Variants in DYNC2H1 observed in about 807,000 individuals in gnomAD.
The protein encoded by DYNC2H1 is cytoplasmic dynein 2 heavy chain 1.
DYNC2H1 carries 410 observed loss-of-function variants against 570.0 expected under a neutral mutation model. That is an observed-to-expected ratio of 0.72 (90% CI 0.66 to 0.78). The LOEUF (loss-of-function observed/expected upper bound fraction) is 0.78. Among genes scored for constraint, DYNC2H1 ranks in the 30% least tolerant of loss-of-function variants. The pLI is 0.00. For missense variants in DYNC2H1, 4,865 were observed against 5,046.4 expected, an observed-to-expected ratio of 0.96 and a Z score of 1.09; for synonymous variants, 1,688 against 1,677.6, an observed-to-expected ratio of 1.01 and a Z score of -0.15.
rs571326205 is a variant in DYNC2H1, at chr11:103,189,519, G to A, written c.7293-153G>A. ...GGTTGAAATGAGAATGGATCGGGGC[G>A]ATGAGCCTAGTCTTAGCCCCCTGGG... On this transcript the variant is annotated intron_variant, in intron 44 of 88. Transcript: ENST00000375735. The surrounding 1 kb of genome is among the most constrained non-coding windows in gnomAD (Gnocchi z 4.3). Among the ~76,000 whole-genome samples the A allele has an allele frequency of 2.0e-5, 3 of 152,250 alleles. No homozygotes were observed. Among genetic ancestry groups the A allele is most frequent in the South Asian group, 2.1e-4 (1 of 4,824 alleles).
rs1945178270 is a variant in DYNC2H1, at chr11:103,465,776, A to C, written c.12649-2813A>C. Among the ~76,000 whole-genome samples, 1 of 152,194 alleles carries C rather than the reference A, an allele frequency of 6.6e-6. No individual in the cohort carries two copies. Among genetic ancestry groups the C allele is most frequent in the African/African-American group, 2.4e-5 (1 of 41,458 alleles). ...CCCTCTCATACTGTAGTAGACTAGG[A>C]GAGCTTCCTTATATGGTGGTTTCAG... On this transcript the variant is annotated intron_variant, in intron 87 of 88. Coordinates refer to ENST00000375735, the MANE Select transcript of DYNC2H1 (RefSeq NM_001377.3). This position sits in a 1 kb window ranked among gnomAD's most constrained non-coding sequence, Gnocchi z 4.9.
chr11:103,242,571 A>G lies in DYNC2H1; in HGVS notation c.9820-1122A>G, dbSNP rs187420633. 2.4e-3 allele frequency among the ~76,000 whole-genome samples: 373 copies of G among 152,356 alleles called. 1 individual carries two copies. Among genetic ancestry groups the G allele is most frequent in the African/African-American group, 8.1e-3 (338 of 41,590 alleles). On this transcript the variant is annotated intron_variant, in intron 63 of 88. Transcript: ENST00000375735. The stretch of plus-strand genomic sequence containing the variant: ...TTTTTCAAATAAATGTGAAAACTTA[A>G]GAAAAATTAGATCAGTTTAAATTTT...
Position 103,186,389 on chromosome 11 carries a change from C to G in DYNC2H1, c.6781C>G (p.Pro2261Ala). ...TGATTTCAGTAACGGCTTAACTCTTCCAGTCATTCAGACTCCTGACATGCA... is the reference window on the plus strand; with the variant it reads ...TGATTTCAGTAACGGCTTAACTCTTGCAGTCATTCAGACTCCTGACATGCA... ...ADDFSNGLTL[P>A]VIQTPDMQRG... The change falls in exon 42 of 89, where the codon CCA becomes GCA. Residue 2261 changes from proline to alanine, a missense_variant. This residue lies in a region of DYNC2H1 where 2,401 missense variants were observed against 2,454.6 expected (regional missense o/e 0.98). Transcript: ENST00000375735. The surrounding 1 kb of genome is among the most constrained non-coding windows in gnomAD (Gnocchi z 4.5). The G allele has an allele frequency of 6.2e-7, 1 of 1,612,888 alleles. No individual in the cohort carries two copies. Among genetic ancestry groups the G allele is most frequent in the Non-Finnish European group, 8.5e-7 (1 of 1,179,228 alleles).
At chr11:103,165,329 A>G (rs1295565039) in intron 30 of DYNC2H1, among the ~76,000 whole-genome samples, 1 of 152,124 alleles carries the variant, frequency 6.6e-6, no homozygotes, top group Non-Finnish European at 1.5e-5. Flanking sequence ...GGGTTTCTCC[A>G]TGTTAACCAG....
At chr11:103,278,874 G>A (rs941408735) in intron 70 of DYNC2H1, among the ~76,000 whole-genome samples, 27 of 152,078 alleles carry the variant, frequency 1.8e-4, no homozygotes, top group African/African-American at 6.5e-4. Flanking sequence ...GCCCTGTGTG[G>A]GTTCTTAATG....
intron 83 of DYNC2H1, among the ~76,000 whole-genome samples, chr11:103,361,399 C>T (rs1230009675): frequency 1.3e-5 from 2 of 152,198 alleles, no homozygotes; most frequent in African/African-American, 4.8e-5. Flanking sequence ...TTAGACTTCT[C>T]ATACTCCAGA....
chr11:103,304,993 A>T (rs1867218450), intron 77 of DYNC2H1, among the ~76,000 whole-genome samples: 1 of 152,162 alleles, frequency 6.6e-6, no homozygotes, highest in Admixed American at 6.6e-5. Context: ...TATTTATACC[A>T]TGAGTTTCTT....
chr11:103,474,502 T>C (rs1945491119), intron 88 of DYNC2H1, among the ~76,000 whole-genome samples: 1 of 152,170 alleles, frequency 6.6e-6, no homozygotes, highest in South Asian at 2.1e-4. Context: ...ATAATTTTGT[T>C]TTCATTGTTT....
chr11:103,465,456 GTT>G lies in DYNC2H1; in HGVS notation c.12649-3123_12649-3122del, dbSNP rs113580244. 6.8e-6 allele frequency among the ~76,000 whole-genome samples: 1 copy of G among 146,336 alleles called. No homozygotes were observed. The highest frequency in any genetic ancestry group is 1.5e-5 in the Non-Finnish European group (1 of 65,784). ...CAACCAGTATCCCAAAGTGTGTTTT[GTT>G]TTTTTTTTTAATCTGTGGCACATGA... On this transcript the variant is annotated intron_variant, in intron 87 of 88. Coordinates refer to ENST00000375735, the MANE Select transcript of DYNC2H1 (RefSeq NM_001377.3). The surrounding 1 kb of genome is among the most constrained non-coding windows in gnomAD (Gnocchi z 4.9).
chr11:103,121,393 A>T lies in DYNC2H1; in HGVS notation c.1382A>T (p.Asn461Ile), dbSNP rs1411601865. The part of the protein sequence containing the change: ...SIKDFRLDFE[N>I]RCRGIPGDAS... ...ATAGATTTTCGATTAGACTTTGAGA[A>T]TCGGTGCCGAGGAATTCCTGGTGAT... is the stretch of plus-strand genomic sequence containing the variant. Residue 461 changes from asparagine to isoleucine, a missense_variant, in exon 10 of 89, where the codon AAT becomes ATT. Asn to Ile is a moderately radical substitution (Grantham distance 149, BLOSUM62 -3). Transcript: ENST00000375735. 1 of 1,610,600 alleles carries T rather than the reference A, an allele frequency of 6.2e-7. No homozygotes were observed. The highest frequency in any genetic ancestry group is 1.3e-5 in the African/African-American group (1 of 74,808).
intron 88 of DYNC2H1, among the ~76,000 whole-genome samples, chr11:103,477,805 G>A (rs562832652): frequency 5.3e-5 from 7 of 132,904 alleles, no homozygotes; most frequent in Admixed American, 8.5e-5. Context: ...CACTCCAGCC[G>A]GGGCGACAGA....
intron 1 of DYNC2H1, among the ~76,000 whole-genome samples, chr11:103,111,952 G>A (rs997532416): frequency 6.6e-6 from 1 of 152,166 alleles, no homozygotes; most frequent in Admixed American, 6.5e-5. Context: ...ATGGACAAAG[G>A]TAGGCTAAAC....
At chr11:103,167,448 TG>T (rs1861374676) in intron 31 of DYNC2H1, among the ~76,000 whole-genome samples, 1 of 151,954 alleles carries the variant, frequency 6.6e-6, no homozygotes, top group African/African-American at 2.4e-5. Context: ...TTTTATTTTT[TG>T]TAGAGACATG....
At position 103,133,743 on chromosome 11, in the gene DYNC2H1, T is replaced by C. The variant is rs542952175; in HGVS notation, c.2106+36T>C. ...TTTATAAAATTGAATAAGCTATGAA[T>C]GATATTATTTAAAAAGTCATTAAGA... On this transcript the variant is annotated intron_variant, in intron 14 of 88. Transcript: ENST00000375735. The surrounding 1 kb of genome is among the most constrained non-coding windows in gnomAD (Gnocchi z 4.8). The C allele has an allele frequency of 3.3e-6, 5 of 1,508,778 alleles. No homozygotes were observed. Among genetic ancestry groups the C allele is most frequent in the Non-Finnish European group, 4.4e-6 (5 of 1,125,478 alleles). The allele number at this position is 1,508,778 out of a possible 1,614,324, so 93.5% of individuals were successfully genotyped here. A position where few individuals can be genotyped will look rare whatever the true frequency, so the allele number is the denominator to read the frequency against.
chr11:103,265,741 T>C (rs1040026539), intron 70 of DYNC2H1, among the ~76,000 whole-genome samples: 2 of 152,238 alleles, frequency 1.3e-5, no homozygotes, highest in Non-Finnish European at 2.9e-5. Flanking sequence ...GAAGGCACTC[T>C]GGCCTTTTGA....
At position 103,163,084 on chromosome 11, in the gene DYNC2H1, G is replaced by C; in HGVS notation, c.4548G>C (p.Lys1516Asn). The change falls in exon 30 of 89, where the codon AAG becomes AAC. Residue 1516 changes from lysine (K) to asparagine (N), a missense_variant. Transcript: ENST00000375735. The surrounding 1 kb of genome is among the most constrained non-coding windows in gnomAD (Gnocchi z 4.6). ...EMKKTLEQLL[K>N]ECVTTGRSSQ... ...AGAAAACTTTGGAACAGTTGTTGAAGGAATGTGTTACTACTGGGCGAAGTT... is the reference window on the plus strand; with the variant it reads ...AGAAAACTTTGGAACAGTTGTTGAACGAATGTGTTACTACTGGGCGAAGTT... 1 of 1,613,244 alleles carries C rather than the reference G, an allele frequency of 6.2e-7. No individual in the cohort carries two copies. The highest frequency in any genetic ancestry group is 8.5e-7 in the Non-Finnish European group (1 of 1,179,374).
intron 84 of DYNC2H1, chr11:103,408,000 A>G (rs1311273713): frequency 6.6e-6 from 1 of 152,002 alleles, no homozygotes; most frequent in Non-Finnish European, 1.5e-5. Context: ...TGATTCGTAC[A>G]TAATTTGAAT....
intron 83 of DYNC2H1, among the ~76,000 whole-genome samples, chr11:103,374,664 G>A (rs2096541339): frequency 6.6e-6 from 1 of 152,152 alleles, no homozygotes; most frequent in Admixed American, 6.5e-5. Context: ...GGGAACTGAA[G>A]TAAAGGTCAC....
intron 52 of DYNC2H1, among the ~76,000 whole-genome samples, chr11:103,206,633 AAAC>A (rs144812117): frequency 0.023 from 3,450 of 152,258 alleles, 114 homozygotes; most frequent in African/African-American, 0.077. Flanking sequence ...AAAACCAGAC[AAAC>A]ATTATATTTT....
Sources: allele counts gnomAD v4.1 joint callset (sites outside exome capture counted in the v4.1 genomes callset), GRCh38; gene constraint gnomAD v4.1.1; regional missense constraint gnomAD v4.1.1; non-coding constraint Gnocchi (gnomAD v3.1); transcripts MANE v1.5; gene names NCBI Gene and HGNC (gene_info 2026-07-23, HGNC 2026-07-21).